WDR37: variants seen among roughly 807,000 people sequenced by gnomAD.
WDR37 encodes the protein WD repeat domain 37.
A neutral mutation model predicts 62.9 loss-of-function variants in WDR37; 19 were observed. The observed-to-expected ratio is 0.30, with a 90% CI of 0.21 to 0.44. The LOEUF is 0.44. Ranked by LOEUF, WDR37 falls within the 20% of genes least tolerant of loss-of-function variation. WDR37 has a pLI of 1.00. For missense variants in WDR37, 474 were observed against 657.6 expected, an observed-to-expected ratio of 0.72 and a Z score of 3.05; for synonymous variants, 250 against 260.9, an observed-to-expected ratio of 0.96 and a Z score of 0.40.
At chr10:1,068,776 A>G (rs1018130015) in intron 1 of WDR37, among the ~76,000 whole-genome samples, 7 of 152,278 alleles carry the variant, frequency 4.6e-5, no homozygotes, top group Non-Finnish European at 1.0e-4. Flanking sequence ...AAGTATACAC[A>G]TACAAGAAAT....
At chr10:1,109,531 G>T (rs553367304) in intron 11 of WDR37, among the ~76,000 whole-genome samples, 24 of 152,282 alleles carry the variant, frequency 1.6e-4, no homozygotes, top group African/African-American at 5.8e-4. Flanking sequence ...GACCAACATG[G>T]AGAAACTCTG....
intron 9 of WDR37, among the ~76,000 whole-genome samples, chr10:1,099,115 A>G (rs1834702950): frequency 6.6e-6 from 1 of 152,254 alleles, no homozygotes; most frequent in African/African-American, 2.4e-5. Flanking sequence ...TATTTATACC[A>G]TAAATTCATA....
intron 1 of WDR37, among the ~76,000 whole-genome samples, chr10:1,066,695 C>G (rs981833604): frequency 1.3e-5 from 2 of 152,192 alleles, no homozygotes; most frequent in Non-Finnish European, 2.9e-5. Context: ...TTAAGACATA[C>G]AGAACAATAA....
At chr10:1,111,729 C>G (rs1835223847) in intron 11 of WDR37, among the ~76,000 whole-genome samples, 1 of 152,180 alleles carries the variant, frequency 6.6e-6, no homozygotes. Context: ...TTTTATTTGA[C>G]TGTTTGTTAG....
At chr10:1,126,756 G>A (rs1209446102) in intron 13 of WDR37, among the ~76,000 whole-genome samples, 1 of 152,200 alleles carries the variant, frequency 6.6e-6, no homozygotes, top group Non-Finnish European at 1.5e-5. Context: ...GGTTCTCTCA[G>A]CGCAGCAACA....
At chr10:1,066,869 G>A (rs1170558682) in intron 1 of WDR37, among the ~76,000 whole-genome samples, 1 of 152,222 alleles carries the variant, frequency 6.6e-6, no homozygotes, top group Non-Finnish European at 1.5e-5. Flanking sequence ...CATTCTGCGT[G>A]GATGGCGGCA....
intron 8 of WDR37, 118 bp from the exon 9 acceptor site, chr10:1,096,052 A>T: frequency 1.2e-6 from 1 of 867,014 alleles, no homozygotes; most frequent in Non-Finnish European, 1.9e-6. Context: ...CATTCCTCTC[A>T]CTAAGTGGTC....
intron 7 of WDR37, among the ~76,000 whole-genome samples, chr10:1,091,883 T>C (rs1372798993): frequency 1.3e-5 from 2 of 152,180 alleles, no homozygotes; most frequent in Non-Finnish European, 2.9e-5. Context: ...CCTGCTCCTT[T>C]TTCAAGAAAA....
chr10:1,089,846 T>C (rs1446624964), intron 7 of WDR37, among the ~76,000 whole-genome samples: 1 of 152,256 alleles, frequency 6.6e-6, no homozygotes, highest in Non-Finnish European at 1.5e-5. Flanking sequence ...TCTTCCAGGA[T>C]GCCTTCTGCA....
chr10:1,077,486 C>T (rs1221314515), intron 2 of WDR37, among the ~76,000 whole-genome samples: 2 of 152,108 alleles, frequency 1.3e-5, no homozygotes, highest in Non-Finnish European at 2.9e-5. Context: ...GGGAACTCTG[C>T]AAAGGTGCCT....
chr10:1,123,270 A>C (rs1416698746), intron 11 of WDR37, among the ~76,000 whole-genome samples: 1 of 152,266 alleles, frequency 6.6e-6, no homozygotes, highest in Non-Finnish European at 1.5e-5. Context: ...TTAAATATAC[A>C]TAATATGAAA....
Position 1,121,899 on chromosome 10 carries a change from G to T in WDR37, c.1104-2319G>T, listed in dbSNP as rs1285089991. On this transcript the variant is annotated intron_variant, in intron 11 of 13. Coordinates refer to ENST00000263150, the MANE Select transcript of WDR37 (RefSeq NM_014023.4). The surrounding 1 kb of genome is among the most constrained non-coding windows in gnomAD (Gnocchi z 4.5). ...TTCCGGGGTCTCGGTGTCAGAGCGT[G>T]TTGCCAGGTGTTGTTGACGCACCTT... is the stretch of plus-strand genomic sequence containing the variant. Among the ~76,000 whole-genome samples, 1 of 151,922 alleles carries T rather than the reference G, an allele frequency of 6.6e-6. No homozygotes were observed. Among genetic ancestry groups the T allele is most frequent in the African/African-American group, 2.4e-5 (1 of 41,360 alleles).
At chr10:1,066,326 T>G (rs7079564) in intron 1 of WDR37, among the ~76,000 whole-genome samples, 1 of 151,966 alleles carries the variant, frequency 6.6e-6, no homozygotes, top group Non-Finnish European at 1.5e-5. Context: ...CCGTGTTAGC[T>G]AGGATGGTCT....
chr10:1,126,037 A>T (rs968362336), intron 13 of WDR37, among the ~76,000 whole-genome samples: 1 of 152,070 alleles, frequency 6.6e-6, no homozygotes, highest in African/African-American at 2.4e-5. Flanking sequence ...GCCGGGCCTC[A>T]CTATAATGTG....
intron 11 of WDR37, among the ~76,000 whole-genome samples, chr10:1,110,503 GC>G (rs1202561085): frequency 6.6e-6 from 1 of 150,398 alleles, no homozygotes; most frequent in Non-Finnish European, 1.5e-5. Context: ...AATGTGTAGA[GC>G]TGTGCATCCG....
intron 1 of WDR37, among the ~76,000 whole-genome samples, chr10:1,060,302 G>A (rs1295366026): frequency 6.6e-6 from 1 of 152,216 alleles, no homozygotes; most frequent in East Asian, 1.9e-4. Flanking sequence ...AAGCAGTGGG[G>A]TGTATTACGT....
At position 1,124,365 on chromosome 10, in the gene WDR37, T is replaced by C; in HGVS notation, c.1238+13T>C. On this transcript the variant is annotated intron_variant, in intron 12 of 13. Coordinates refer to ENST00000263150, the MANE Select transcript of WDR37 (RefSeq NM_014023.4). ...CTGCCATTAACAGGTAAAGTCAAAC[T>C]GTTGGTTAAGTAAGTGGCTTAGTTT... 6.2e-7 allele frequency: 1 copy of C among 1,614,058 alleles called. No homozygotes were observed.
chr10:1,109,735 G>A (rs751490653), intron 11 of WDR37, among the ~76,000 whole-genome samples: 23 of 152,180 alleles, frequency 1.5e-4, no homozygotes, highest in Non-Finnish European at 2.9e-4. Flanking sequence ...AAAAATTCTG[G>A]TTAATTTGTG....
chr10:1,097,359 G>C (rs1049894291), intron 9 of WDR37, among the ~76,000 whole-genome samples: 1 of 152,166 alleles, frequency 6.6e-6, no homozygotes, highest in African/African-American at 2.4e-5. Context: ...CAGAGACCCC[G>C]CCAGCTTGAA....
Sources: allele counts gnomAD v4.1 joint callset (sites outside exome capture counted in the v4.1 genomes callset), GRCh38; gene constraint gnomAD v4.1.1; non-coding constraint Gnocchi (gnomAD v3.1); transcripts MANE v1.5; gene names NCBI Gene and HGNC (gene_info 2026-07-23, HGNC 2026-07-21).